PHOX2A: variants seen among roughly 807,000 people sequenced by gnomAD.
PHOX2A encodes the protein paired like homeobox 2A.
Under a neutral mutation model 16.4 loss-of-function variants are expected in PHOX2A, and 10 were observed. That is an observed-to-expected ratio of 0.61 (90% CI 0.38 to 1.04). The LOEUF (loss-of-function observed/expected upper bound fraction) is 1.04. Ranked by LOEUF, PHOX2A falls within the 50% of genes least tolerant of loss-of-function variation. PHOX2A has a pLI of 0.01. For synonymous variants in PHOX2A, 219 were observed against 203.8 expected, an observed-to-expected ratio of 1.07 and a Z score of -0.64; for missense variants, 361 against 419.4, an observed-to-expected ratio of 0.86 and a Z score of 1.22.
rs748036118 is a variant in PHOX2A at position 72,241,160 on chromosome 11, T to G, written c.347A>C (p.Asp116Ala). 16 of 1,613,918 alleles carry G rather than the reference T, an allele frequency of 9.9e-6. No individual in the cohort carries two copies. The highest frequency in any genetic ancestry group is 1.4e-5 in the Non-Finnish European group (16 of 1,180,032). Residue 116 changes from aspartate to alanine, a missense_variant, in exon 2 of 3, where the codon GAC (aspartate) becomes GCC (alanine). Physicochemically the swap from Asp to Ala is moderately radical, Grantham distance 126. This residue lies in a region of PHOX2A where 235 missense variants were observed against 263.8 expected (regional missense o/e 0.89). Transcript: ENST00000298231. ...CGCCAGCTCCTCACGCGTGTAAATG[T>G]CGGGGTAGTGGGTCTCAGCGAAAAC... ...ERVFAETHYP[D>A]IYTREELALK...
chr11:72,240,962 C>G (rs1369826198), intron 2 of PHOX2A, 140 bp downstream of exon 2: 4 of 866,672 alleles, frequency 4.6e-6, no homozygotes, highest in Non-Finnish European at 7.4e-6. Context: ...TGCTGCCTCC[C>G]GTAGCTGCCC....
At chr11:72,242,143 TG>T (rs2135456834) in intron 1 of PHOX2A, among the ~76,000 whole-genome samples, 1 of 152,036 alleles carries the variant, frequency 6.6e-6, no homozygotes, top group African/African-American at 2.4e-5. Context: ...AAGCCAACAC[TG>T]CCCCCCAACT....
At chr11:72,240,775 C>T (rs1949111350) in intron 2 of PHOX2A, among the ~76,000 whole-genome samples, 1 of 152,194 alleles carries the variant, frequency 6.6e-6, no homozygotes. Flanking sequence ...GACTGGCCTG[C>T]CCCCTCTCCT....
intron 2 of PHOX2A, 83 bp from the exon 3 acceptor site, chr11:72,240,281 T>C (rs1949105837): frequency 6.7e-7 from 1 of 1,499,088 alleles, no homozygotes; most frequent in African/African-American, 1.4e-5. Flanking sequence ...TCGAGTGAGA[T>C]CCTGGTTCGG....
chr11:72,240,282 C>T (rs1208367209), intron 2 of PHOX2A, 84 bp from the exon 3 acceptor site: 4 of 1,498,844 alleles, frequency 2.7e-6, no homozygotes, highest in Non-Finnish European at 3.5e-6. Context: ...CGAGTGAGAT[C>T]CTGGTTCGGA....
intron 1 of PHOX2A, among the ~76,000 whole-genome samples, chr11:72,243,394 G>C (rs2135457747): frequency 6.6e-6 from 1 of 152,258 alleles, no homozygotes; most frequent in African/African-American, 2.4e-5. Context: ...CATCTCGTGG[G>C]GCAGCGGTGA....
rs1949144267 is a variant in PHOX2A at position 72,244,085 on chromosome 11, G to A, written c.-81C>T. On this transcript the variant is annotated 5_prime_UTR_variant, in exon 1 of 3. Transcript: ENST00000298231. ...GGTGGAGGTCGGAAGGGAGGTTCGA[G>A]CGCCAGGCTCCGAGGACCCGAGGCC... The A allele has an allele frequency of 1.5e-6, 1 of 663,952 alleles. No individual in the cohort carries two copies. The highest frequency in any genetic ancestry group is 2.1e-6 in the Non-Finnish European group (1 of 467,198). 41.1% of individuals were successfully genotyped at this position (663,952 alleles called of 1,614,324 possible). A position where few individuals can be genotyped will look rare whatever the true frequency, so the allele number is the denominator to read the frequency against.
intron 2 of PHOX2A, among the ~76,000 whole-genome samples, chr11:72,240,806 C>A (rs1284508513): frequency 6.6e-6 from 1 of 152,190 alleles, no homozygotes; most frequent in Non-Finnish European, 1.5e-5. Flanking sequence ...GCCCTGAGGT[C>A]CCCTGGGTCT....
At chr11:72,241,403 G>A in intron 1 of PHOX2A, 114 bp from the exon 2 acceptor site, 1 of 671,762 alleles carries the variant, frequency 1.5e-6, no homozygotes, top group East Asian at 2.7e-5. Context: ...CCCCGTCCCT[G>A]GCCTGATCCC....
chr11:72,244,051 CG>C lies in PHOX2A; in HGVS notation c.-48del. 1.2e-6 allele frequency: 1 copy of C among 833,424 alleles called. No homozygotes were observed. The allele number at this position is 833,424 out of a possible 1,614,324, so 51.6% of individuals were successfully genotyped here. On this transcript the variant is annotated 5_prime_UTR_variant, in exon 1 of 3. Coordinates refer to ENST00000298231, the MANE Select transcript of PHOX2A (RefSeq NM_005169.4). ...GGGCCGGGCCAGGCCGGGTCGGGGT[CG>C]GGGTCCGGGTGGAGGTCGGAAGGGA...
chr11:72,240,254 G>C, intron 2 of PHOX2A, 56 bp from the exon 3 acceptor site: 3 of 1,522,058 alleles, frequency 2.0e-6, no homozygotes, highest in Non-Finnish European at 2.6e-6. Flanking sequence ...CACGGGGTCA[G>C]CCCGCGGCCG....
chr11:72,240,820 C>G (rs1949111863), intron 2 of PHOX2A, among the ~76,000 whole-genome samples: 1 of 152,162 alleles, frequency 6.6e-6, no homozygotes, highest in South Asian at 2.1e-4. Context: ...TGGGTCTCCC[C>G]CTCTAGCCCC....
At position 72,239,615 on chromosome 11, in the gene PHOX2A, C is replaced by T. The variant is rs1949095342; in HGVS notation, c.*134G>A. On this transcript the variant is annotated 3_prime_UTR_variant, in exon 3 of 3. Coordinates refer to ENST00000298231, the MANE Select transcript of PHOX2A (RefSeq NM_005169.4). ...GGTCTCCAAAGTTGGGGAGGACACA[C>T]CGAGGGGTGAGACAGTAGGGAGTGG... 1.6e-6 allele frequency: 1 copy of T among 633,794 alleles called. No homozygotes were observed. Among genetic ancestry groups the T allele is most frequent in the African/African-American group, 1.9e-5 (1 of 52,916 alleles). The allele number at this position is 633,794 out of a possible 1,614,324, so 39.3% of individuals were successfully genotyped here.
chr11:72,240,350 C>T, intron 2 of PHOX2A, 152 bp from the exon 3 acceptor site: 2 of 1,028,934 alleles, frequency 1.9e-6, no homozygotes, highest in Non-Finnish European at 2.7e-6. Context: ...CGCACGCAGC[C>T]CGCTGCACTC....
chr11:72,243,864 C>T lies in PHOX2A; in HGVS notation c.141G>A (p.Pro47=). The T allele has an allele frequency of 7.9e-7, 1 of 1,269,440 alleles. No homozygotes were observed. The highest frequency in any genetic ancestry group is 1.0e-6 in the Non-Finnish European group (1 of 1,003,456). The allele number at this position is 1,269,440 out of a possible 1,614,324, so 78.6% of individuals were successfully genotyped here. Reference sequence around the variant, plus strand: ...TGGAGGAGCCGAGCGCGGGGCAGGGCGGCCCTGCCGCGGGGAAAGCGGGCC... The same window carrying T: ...TGGAGGAGCCGAGCGCGGGGCAGGGTGGCCCTGCCGCGGGGAAAGCGGGCC... ...PLRPAFPAAG[P]PCPALGSSNC... Residue 47 remains proline, a synonymous_variant, in exon 1 of 3, where the codon CCG becomes CCA. Transcript: ENST00000298231.
In PHOX2A at chr11:72,243,769, G is replaced by A; in HGVS notation, c.217+19C>T. 1 of 1,228,060 alleles carries A rather than the reference G, an allele frequency of 8.1e-7. No individual in the cohort carries two copies. Among genetic ancestry groups the A allele is most frequent in the South Asian group, 3.4e-5 (1 of 29,258 alleles). The allele number at this position is 1,228,060 out of a possible 1,614,324, so 76.1% of individuals were successfully genotyped here. On this transcript the variant is annotated intron_variant, in intron 1 of 2. Coordinates refer to ENST00000298231, the MANE Select transcript of PHOX2A (RefSeq NM_005169.4). The stretch of plus-strand genomic sequence containing the variant: ...TTCTGCAGGAATTGGAGGGAGGGTT[G>A]GGCCGGGGCTGCGCTCACCTGCCGA...
In PHOX2A at chr11:72,239,881, G is replaced by T. The variant is rs894422420; in HGVS notation, c.723C>A (p.Gly241=). ...GTTCGGCCGCTCCCGCGCCAGGCCC[G>T]CCGCCCCCACCGCCCGCCACACCGG... ...LWAGVAGGGG[G]GPGAGAAELL... The change falls in exon 3 of 3, where the codon GGC becomes GGA. Residue 241 remains glycine, a synonymous_variant. Coordinates refer to ENST00000298231, the MANE Select transcript of PHOX2A (RefSeq NM_005169.4). 10 of 1,362,464 alleles carry T rather than the reference G, an allele frequency of 7.3e-6. No individual in the cohort carries two copies. In the Admixed American group the frequency reaches 1.8e-4, roughly 24 times the overall value. The allele number at this position is 1,362,464 out of a possible 1,614,324, so 84.4% of individuals were successfully genotyped here.
intron 1 of PHOX2A, 134 bp from the exon 2 acceptor site, chr11:72,241,423 TC>T: frequency 1.6e-6 from 1 of 632,182 alleles, no homozygotes; most frequent in Non-Finnish European, 2.7e-6. Flanking sequence ...CTCGTCTTGG[TC>T]CCGGCAGCCT....
At chr11:72,240,314 A>C in intron 2 of PHOX2A, 116 bp from the exon 3 acceptor site, 1 of 1,410,834 alleles carries the variant, frequency 7.1e-7, no homozygotes, top group Non-Finnish European at 9.4e-7. Flanking sequence ...CCGGGTTCTT[A>C]CTAGTTGGAG....
Sources: gnomAD v4.1 joint callset for allele counts (sites outside exome capture counted in the v4.1 genomes callset) on GRCh38, gnomAD v4.1.1 for gene constraint, gnomAD v4.1.1 regional missense constraint, MANE v1.5 for transcripts, NCBI Gene and HGNC (gene_info 2026-07-23, HGNC 2026-07-21) for gene names.